Variants in MSRA observed in about 807,000 individuals in gnomAD.
MSRA encodes the protein methionine sulfoxide reductase A, also known as mitochondrial peptide methionine sulfoxide reductase.
A neutral mutation model predicts 31.3 loss-of-function variants in MSRA; 54 were observed. The ratio of observed to expected loss-of-function variants is 1.73; its 90% CI spans 1.39 to 2.17. The LOEUF (loss-of-function observed/expected upper bound fraction) is 2.17. MSRA is among the 30% of genes most tolerant of loss of function. The pLI, the probability that MSRA is intolerant of heterozygous loss-of-function variation, is 0.00. For synonymous variants in MSRA, 169 were observed against 116.5 expected (o/e 1.45, Z -2.90); for missense variants, 507 against 300.9 (o/e 1.69, Z -5.07).
intron 2 of MSRA, among the ~76,000 whole-genome samples, chr8:10,215,732 T>C (rs764042521): frequency 3.3e-5 from 5 of 152,240 alleles, no homozygotes; most frequent in Non-Finnish European, 7.3e-5. Context: ...AATACAGAGC[T>C]CTCAGAAAAT....
intron 5 of MSRA, among the ~76,000 whole-genome samples, chr8:10,355,115 C>G (rs1342246953): frequency 6.6e-6 from 1 of 152,212 alleles, no homozygotes; most frequent in Non-Finnish European, 1.5e-5. Flanking sequence ...TTTACTGTGT[C>G]AGGGCCGGGT....
At chr8:10,274,721 C>G (rs376936264) in intron 3 of MSRA, among the ~76,000 whole-genome samples, 18 of 152,218 alleles carry the variant, frequency 1.2e-4, no homozygotes, top group African/African-American at 4.3e-4. Context: ...ATCCATGTAT[C>G]CACTCATCCA....
chr8:10,275,142 C>T (rs905753053), intron 3 of MSRA, among the ~76,000 whole-genome samples: 1 of 151,770 alleles, frequency 6.6e-6, no homozygotes, highest in South Asian at 2.1e-4. Flanking sequence ...GAAAATTTCT[C>T]ATAATGTGCC....
intron 5 of MSRA, among the ~76,000 whole-genome samples, chr8:10,332,808 A>C (rs1802782081): frequency 6.6e-6 from 1 of 152,218 alleles, no homozygotes; most frequent in South Asian, 2.1e-4. Flanking sequence ...GGGTGGGGAA[A>C]GGAAAAGCTT....
chr8:10,206,277 C>T (rs1259458176), intron 1 of MSRA, among the ~76,000 whole-genome samples: 1 of 152,200 alleles, frequency 6.6e-6, no homozygotes, highest in Non-Finnish European at 1.5e-5. Flanking sequence ...AGGGTCCTTC[C>T]ATCACACAGC....
At chr8:10,391,452 A>G (rs4610752) in intron 5 of MSRA, among the ~76,000 whole-genome samples, 59,570 of 152,128 alleles carry the variant, frequency 0.39, 12,879 homozygotes, top group Non-Finnish European at 0.5. Flanking sequence ...TGTGGTGAGT[A>G]TCTGTGGCAT....
intron 1 of MSRA, among the ~76,000 whole-genome samples, chr8:10,131,313 C>T (rs1198776989): frequency 6.6e-6 from 1 of 152,176 alleles, no homozygotes; most frequent in Non-Finnish European, 1.5e-5. Context: ...GAAGAAATTA[C>T]TTCTAGCTGA....
chr8:10,234,849 A>G (rs1811818009), intron 2 of MSRA, among the ~76,000 whole-genome samples: 1 of 152,128 alleles, frequency 6.6e-6, no homozygotes, highest in Non-Finnish European at 1.5e-5. Flanking sequence ...AAAATACTAA[A>G]CAATAACAAA....
intron 1 of MSRA, among the ~76,000 whole-genome samples, chr8:10,199,139 T>C (rs1808258936): frequency 6.6e-6 from 1 of 152,120 alleles, no homozygotes; most frequent in Admixed American, 6.5e-5. Context: ...GATGCCTGCT[T>C]TGGGAGCCTG....
At chr8:10,306,008 C>A (rs963905918) in intron 4 of MSRA, among the ~76,000 whole-genome samples, 1 of 152,232 alleles carries the variant, frequency 6.6e-6, no homozygotes, top group Non-Finnish European at 1.5e-5. Context: ...AGGTTCTATT[C>A]TGGCCTTCTT....
intron 1 of MSRA, among the ~76,000 whole-genome samples, chr8:10,119,177 C>T (rs777016562): frequency 1.4e-4 from 21 of 152,134 alleles, no homozygotes; most frequent in South Asian, 2.1e-4. Flanking sequence ...CATGTGATAG[C>T]GAATTAAAGC....
At chr8:10,337,489 C>T (rs1803129617) in intron 5 of MSRA, 7 of 537,756 alleles carry the variant, frequency 1.3e-5, no homozygotes, top group African/African-American at 1.9e-5. Flanking sequence ...AAGCCTATGT[C>T]GCTTTTAAGA....
At chr8:10,426,888 C>A (rs888895132) in intron 5 of MSRA, among the ~76,000 whole-genome samples, 18 of 152,226 alleles carry the variant, frequency 1.2e-4, no homozygotes, top group Non-Finnish European at 1.2e-4. Flanking sequence ...TTCCTAACCC[C>A]TGCAAGAAAA....
chr8:10,128,062 A>G (rs1373938359), intron 1 of MSRA, among the ~76,000 whole-genome samples: 2 of 151,912 alleles, frequency 1.3e-5, no homozygotes, highest in Non-Finnish European at 2.9e-5. Context: ...GTCTCCTTCT[A>G]TTTTTCAAGA....
chr8:10,386,885 A>C (rs1806427119), intron 5 of MSRA, among the ~76,000 whole-genome samples: 2 of 151,956 alleles, frequency 1.3e-5, no homozygotes, highest in Admixed American at 1.3e-4. Context: ...AAAAAAAAAA[A>C]AAAAAAACAG....
chr8:10,293,219 G>A (rs1395199531), intron 3 of MSRA, among the ~76,000 whole-genome samples: 1 of 152,156 alleles, frequency 6.6e-6, no homozygotes, highest in East Asian at 1.9e-4. Flanking sequence ...CTATAGGATT[G>A]CATCAGGGGT....
intron 1 of MSRA, among the ~76,000 whole-genome samples, chr8:10,194,811 T>C (rs372823176): frequency 6.6e-5 from 10 of 152,218 alleles, no homozygotes; most frequent in African/African-American, 2.4e-4. Flanking sequence ...CAGCCACTCC[T>C]ACATCCCAGC....
chr8:10,089,135 G>A (rs1798731675), intron 1 of MSRA, among the ~76,000 whole-genome samples: 1 of 79,432 alleles, frequency 1.3e-5, no homozygotes. Flanking sequence ...AGCTGCTTTT[G>A]TCCCACACAC....
intron 2 of MSRA, among the ~76,000 whole-genome samples, chr8:10,221,995 A>G (rs1810552327): frequency 6.9e-6 from 1 of 145,588 alleles, no homozygotes; most frequent in Admixed American, 6.7e-5. Context: ...ATTCACAGGT[A>G]ATTCGTGGGT....
Sources: gnomAD v4.1 joint callset for allele counts (sites outside exome capture counted in the v4.1 genomes callset) on GRCh38, gnomAD v4.1.1 for gene constraint, MANE v1.5 for transcripts, NCBI Gene and HGNC (gene_info 2026-07-23, HGNC 2026-07-21) for gene names.